GLIS3: variants seen among roughly 807,000 people sequenced by gnomAD.
GLIS3 encodes zinc finger protein GLIS3.
A neutral mutation model predicts 78.6 loss-of-function variants in GLIS3; 53 were observed. The ratio of observed to expected loss-of-function variants is 0.67; its 90% CI spans 0.54 to 0.85. The LOEUF (loss-of-function observed/expected upper bound fraction) is 0.85. GLIS3 is among the 40% of genes least tolerant of loss of function. The pLI is 0.00. For missense variants in GLIS3, 1,703 were observed against 1,231.1 expected (o/e 1.38, Z -5.74); for synonymous variants, 684 against 509.9 (o/e 1.34, Z -4.60).
chr9:3,879,100 C>T (rs1031789890), intron 8 of GLIS3, among the ~76,000 whole-genome samples: 5 of 152,198 alleles, frequency 3.3e-5, no homozygotes, highest in Non-Finnish European at 7.3e-5. Context: ...GGAAGTGCTT[C>T]GACCTGCATA....
chr9:4,245,509 G>C (rs1184071102), intron 2 of GLIS3, among the ~76,000 whole-genome samples: 1 of 152,172 alleles, frequency 6.6e-6, no homozygotes, highest in Non-Finnish European at 1.5e-5. Context: ...ATATTAGAAA[G>C]GCAATTTGAA....
At chr9:3,828,645 G>C (rs1817862584) in intron 10 of GLIS3, among the ~76,000 whole-genome samples, 1 of 152,208 alleles carries the variant, frequency 6.6e-6, no homozygotes, top group African/African-American at 2.4e-5. Context: ...AGAAGTAAAA[G>C]AAAAGTGTTC....
intron 2 of GLIS3, among the ~76,000 whole-genome samples, chr9:4,236,605 G>C (rs1046818714): frequency 6.6e-6 from 1 of 152,166 alleles, no homozygotes; most frequent in Admixed American, 6.5e-5. Context: ...AAGCACAGCA[G>C]TCTAATTTCC....
At chr9:4,367,590 T>C in the GLIS3 span, among the ~76,000 whole-genome samples, 2 of 133,476 alleles carry the variant, frequency 1.5e-5, no homozygotes, top group African/African-American at 2.9e-5. Context: ...GCCAAGATCA[T>C]GCCACTGCAC....
At chr9:4,244,490 A>G (rs750494556) in intron 2 of GLIS3, among the ~76,000 whole-genome samples, 19 of 152,212 alleles carry the variant, frequency 1.2e-4, no homozygotes, top group East Asian at 5.8e-4. Context: ...ACTACATTGG[A>G]AAGAGTTTTT....
chr9:3,828,771 A>G (rs1342715824), intron 10 of GLIS3, among the ~76,000 whole-genome samples: 1 of 152,212 alleles, frequency 6.6e-6, no homozygotes, highest in Non-Finnish European at 1.5e-5. Context: ...AGGAGGAAAC[A>G]AAGAGCAAAG....
chr9:4,075,009 C>A (rs1827924480), intron 4 of GLIS3, among the ~76,000 whole-genome samples: 1 of 152,112 alleles, frequency 6.6e-6, no homozygotes, highest in Non-Finnish European at 1.5e-5. Context: ...ATGAAGACAA[C>A]AGACGTACTC....
chr9:4,189,474 A>T (rs1818125582), intron 2 of GLIS3, among the ~76,000 whole-genome samples: 1 of 152,100 alleles, frequency 6.6e-6, no homozygotes, highest in African/African-American at 2.4e-5. Context: ...TATTCTGTTG[A>T]TTTGTGGTGC....
At chr9:3,974,964 T>G (rs796355095) in intron 4 of GLIS3, among the ~76,000 whole-genome samples, 2 of 151,930 alleles carry the variant, frequency 1.3e-5, no homozygotes, top group Admixed American at 6.6e-5. Flanking sequence ...ATAAGGCACA[T>G]GGAGGATGTG....
At chr9:4,301,430 C>G (rs1817069410), upstream of GLIS3, among the ~76,000 whole-genome samples, 1 of 152,152 alleles carries the variant, frequency 6.6e-6, no homozygotes, top group Non-Finnish European at 1.5e-5. Context: ...AACAAAGAAA[C>G]CAAGTGGTGG....
At chr9:4,231,518 G>C (rs192554592) in intron 2 of GLIS3, among the ~76,000 whole-genome samples, 30 of 152,272 alleles carry the variant, frequency 2.0e-4, no homozygotes, top group African/African-American at 7.0e-4. Context: ...AAAGTCCTTA[G>C]ATAGAAAGCA....
rs113401714 is a variant in GLIS3, at chr9:3,983,954, C to T, written c.1711-46765G>A. On this transcript the variant is annotated intron_variant, in intron 4 of 10. Coordinates refer to ENST00000381971, the MANE Select transcript of GLIS3 (RefSeq NM_001042413.2). ...AAATAATGAAGAGTCAAATGTTAAT[C>T]CCAAAGACAATGGGGAAAATGTCTC... is the stretch of plus-strand genomic sequence containing the variant. Among the ~76,000 whole-genome samples the T allele has an allele frequency of 3.1e-3, 479 of 152,326 alleles. 2 individuals carry two copies. The highest frequency in any genetic ancestry group is 0.011 in the African/African-American group (459 of 41,564).
chr9:4,093,376 G>A (rs553451611), intron 4 of GLIS3, among the ~76,000 whole-genome samples: 107 of 152,302 alleles, frequency 7.0e-4, no homozygotes, highest in African/African-American at 2.4e-3. Flanking sequence ...CTTGCAAAGC[G>A]TGCACAAGGG....
In GLIS3 at chr9:4,286,265, A is replaced by G. The variant is rs762375108; in HGVS notation, c.161T>C (p.Leu54Pro). 2.5e-6 allele frequency: 4 copies of G among 1,614,212 alleles called. No homozygotes were observed. Among genetic ancestry groups the G allele is most frequent in the South Asian group, 1.1e-5 (1 of 91,090 alleles). The change falls in exon 2 of 11, where the codon CTT (leucine) becomes CCT (proline). Residue 54 changes from leucine to proline, a missense_variant. Transcript: ENST00000381971. ...GSTSSPTMASLANNLHLKMPS... is the reference protein window; with the variant it reads ...GSTSSPTMASPANNLHLKMPS... ...CATCTTGAGATGGAGGTTGTTAGCA[A>G]GGCTTGCCATAGTGGGACTCGATGT...
chr9:4,422,814 G>C, the GLIS3 span, among the ~76,000 whole-genome samples: 1 of 152,192 alleles, frequency 6.6e-6, no homozygotes. Flanking sequence ...TATTTGCACT[G>C]AGACCTAGAG....
At chr9:4,446,389 G>A in the GLIS3 span, among the ~76,000 whole-genome samples, 1 of 152,024 alleles carries the variant, frequency 6.6e-6, no homozygotes, top group Admixed American at 6.6e-5. Flanking sequence ...CTTGATCTTG[G>A]ACTTCCCAGT....
chr9:4,350,931 C>G (rs1817963154), upstream of GLIS3, among the ~76,000 whole-genome samples: 1 of 152,146 alleles, frequency 6.6e-6, no homozygotes, highest in South Asian at 2.1e-4. Flanking sequence ...AACAAGGGCT[C>G]TTTGATCAAT....
chr9:4,415,438 C>G, the GLIS3 span, among the ~76,000 whole-genome samples: 36 of 152,320 alleles, frequency 2.4e-4, no homozygotes, highest in Admixed American at 1.8e-3. Context: ...TTTGCCTCAG[C>G]CTTTCTGGCT....
Position 3,828,172 on chromosome 9 carries a change from T to G in GLIS3, c.*100A>C, listed in dbSNP as rs1817826445. On this transcript the variant is annotated 3_prime_UTR_variant, in exon 11 of 11. Coordinates refer to ENST00000381971, the MANE Select transcript of GLIS3 (RefSeq NM_001042413.2). ...CAGTAACTCTGCAGGGCCCGCTGAT[T>G]GGGCTGACATCCTTCCTCAAGCAGT... The G allele has an allele frequency of 7.1e-7, 1 of 1,406,664 alleles. No individual in the cohort carries two copies. The highest frequency in any genetic ancestry group is 1.4e-5 in the African/African-American group (1 of 71,030). The allele number at this position is 1,406,664 out of a possible 1,614,324, so 87.1% of individuals were successfully genotyped here.
Sources: allele counts gnomAD v4.1 joint callset (sites outside exome capture counted in the v4.1 genomes callset), GRCh38; gene constraint gnomAD v4.1.1; transcripts MANE v1.5; gene names NCBI Gene and HGNC (gene_info 2026-07-23, HGNC 2026-07-21).